The following SSR1 variants were observed in gnomAD, a reference collection of about 807,000 sequenced individuals.
SSR1 encodes translocon-associated protein subunit alpha.
In SSR1, 13 loss-of-function variants were observed where a neutral mutation model predicts 36.1. That is an observed-to-expected ratio of 0.36 (90% confidence interval 0.23 to 0.57). The LOEUF (loss-of-function observed/expected upper bound fraction) is 0.57, where lower values mean the gene tolerates loss of function less well. Among genes scored for constraint, SSR1 ranks in the 20% least tolerant of loss-of-function variants. The pLI, the probability that SSR1 is intolerant of heterozygous loss-of-function variation, is 0.81. For synonymous variants in SSR1, 113 were observed against 118.9 expected (o/e 0.95, Z 0.32); for missense variants, 291 against 338.5 (o/e 0.86, Z 1.10).
chr6:7,311,906 A>C (rs527857125), intron 1 of SSR1, among the ~76,000 whole-genome samples: 6 of 152,350 alleles, frequency 3.9e-5, no homozygotes, highest in African/African-American at 1.4e-4. Flanking sequence ...TTTTCTTTTA[A>C]AAAGCTTAAA....
At chr6:7,291,605 A>G (rs1466580900) in intron 7 of SSR1, among the ~76,000 whole-genome samples, 1 of 152,234 alleles carries the variant, frequency 6.6e-6, no homozygotes, top group Non-Finnish European at 1.5e-5. Flanking sequence ...TGATGAAGAA[A>G]GTCTACAACT....
chr6:7,289,568 T>G lies in SSR1; in HGVS notation c.*296A>C. 2.6e-6 allele frequency: 1 copy of G among 386,126 alleles called. No individual in the cohort carries two copies. The highest frequency in any genetic ancestry group is 4.6e-6 in the Non-Finnish European group (1 of 217,186). The allele number at this position is 386,126 out of a possible 1,614,324, so 23.9% of individuals were successfully genotyped here. ...GAGACAACAGCATTATATTTAGTAT[T>G]CTAAAGACTTGTTTCAGGTAGTTCA... On this transcript the variant is annotated 3_prime_UTR_variant, in exon 8 of 8. Coordinates refer to ENST00000244763, the MANE Select transcript of SSR1 (RefSeq NM_003144.5).
chr6:7,311,941 G>T lies in SSR1; in HGVS notation c.79+1101C>A, dbSNP rs368294198. Reference sequence around the variant, plus strand: ...AGAGTACCAGCAAACGACTCCTAAAGTAAAAAATCTTGTTAAACCTGCAGA... The same window carrying T: ...AGAGTACCAGCAAACGACTCCTAAATTAAAAAATCTTGTTAAACCTGCAGA... On this transcript the variant is annotated intron_variant, in intron 1 of 7. Coordinates refer to ENST00000244763, the MANE Select transcript of SSR1 (RefSeq NM_003144.5). Among the ~76,000 whole-genome samples, 5 of 152,114 alleles carry T rather than the reference G, an allele frequency of 3.3e-5. No homozygotes were observed. In the East Asian group the frequency reaches 5.8e-4, roughly 18 times the overall value.
chr6:7,306,730 C>A (rs955957820), intron 2 of SSR1, among the ~76,000 whole-genome samples: 1 of 151,556 alleles, frequency 6.6e-6, no homozygotes, highest in African/African-American at 2.4e-5. Context: ...TCCTGGCTAA[C>A]ATGGTGAAAC....
chr6:7,293,172 C>T (rs202137763), intron 7 of SSR1, among the ~76,000 whole-genome samples: 1 of 137,634 alleles, frequency 7.3e-6, no homozygotes, highest in African/African-American at 3.0e-5. Context: ...ACTGTGATTT[C>T]CTTTTTTTTT....
rs1581628158 is a variant in SSR1, at chr6:7,293,448, C to G, written c.793+1944G>C. ...TGATTTCCTTTCCTCCCCACCCCCA[C>G]CTTTTCTTTTGAGACAGAGTCTCAC... On this transcript the variant is annotated intron_variant, in intron 7 of 7. Transcript: ENST00000244763. 3.9e-5 allele frequency among the ~76,000 whole-genome samples: 6 copies of G among 152,012 alleles called. No homozygotes were observed. In the South Asian group the frequency reaches 1.0e-3, roughly 26 times the overall value.
At chr6:7,292,853 G>A (rs922813052) in intron 7 of SSR1, among the ~76,000 whole-genome samples, 4 of 151,974 alleles carry the variant, frequency 2.6e-5, no homozygotes, top group Non-Finnish European at 5.9e-5. Flanking sequence ...TTGTTACTTT[G>A]AACCCACCTT....
At chr6:7,310,543 G>GATAAGAAACTTCTAAATGT (rs1758166828) in intron 1 of SSR1, among the ~76,000 whole-genome samples, 1 of 152,124 alleles carries the variant, frequency 6.6e-6, no homozygotes, top group Non-Finnish European at 1.5e-5. Context: ...TTTTTGCAAA[G>GATAAGAAACTTCTAAATGT]ATAAGAAACT....
Position 7,286,418 on chromosome 6 carries a change from T to G in SSR1, c.*3446A>C, listed in dbSNP as rs1757555341. On this transcript the variant is annotated 3_prime_UTR_variant, in exon 8 of 8. Transcript: ENST00000244763. Reference sequence around the variant, plus strand: ...GTCAGCTGCAAGGTGTTCTTCCTCCTCAAATATCCTCTAAGGATGAGCTTA... The same window carrying G: ...GTCAGCTGCAAGGTGTTCTTCCTCCGCAAATATCCTCTAAGGATGAGCTTA... The G allele has an allele frequency of 6.6e-6, 1 of 152,230 alleles. No individual in the cohort carries two copies. Among genetic ancestry groups the G allele is most frequent in the Non-Finnish European group, 1.5e-5 (1 of 68,036 alleles). The allele number at this position is 152,230 out of a possible 1,614,324, so 9.4% of individuals were successfully genotyped here.
At chr6:7,291,490 C>A (rs1041019179) in intron 7 of SSR1, among the ~76,000 whole-genome samples, 5 of 152,106 alleles carry the variant, frequency 3.3e-5, no homozygotes, top group African/African-American at 4.8e-5. Flanking sequence ...GTGAAAAAAA[C>A]CCAGAAAACT....
At position 7,302,110 on chromosome 6, in the gene SSR1, A is replaced by T. The variant is rs192907468; in HGVS notation, c.281-538T>A. ...TGTAGCTACAAAAATGGAAGAAAAA[A>T]AGCATAATAAAATTATACTTCCTAC... On this transcript the variant is annotated intron_variant, in intron 3 of 7. Coordinates refer to ENST00000244763, the MANE Select transcript of SSR1 (RefSeq NM_003144.5). Among the ~76,000 whole-genome samples, 65 of 152,402 alleles carry T rather than the reference A, an allele frequency of 4.3e-4. 1 individual carries two copies. In the East Asian group the frequency reaches 0.012, roughly 28 times the overall value.
chr6:7,304,969 T>C (rs1561834310), intron 2 of SSR1, among the ~76,000 whole-genome samples: 1 of 152,214 alleles, frequency 6.6e-6, no homozygotes, highest in Non-Finnish European at 1.5e-5. Context: ...TGAAACTGTG[T>C]TGTAAGTTAT....
At chr6:7,295,803 T>C (rs1212001787) in intron 6 of SSR1, among the ~76,000 whole-genome samples, 1 of 152,226 alleles carries the variant, frequency 6.6e-6, no homozygotes, top group Non-Finnish European at 1.5e-5. Context: ...GAAAATCATG[T>C]CTAGTACTGA....
Position 7,301,579 on chromosome 6 carries a change from A to G in SSR1, c.281-7T>C. On this transcript the variant is annotated splice_polypyrimidine_tract_variant and splice_region_variant and intron_variant, in intron 3 of 7. Transcript: ENST00000244763. ...ATGTTATTTGCTGGAAAATCTGAGAAACAAAATAGAGACAAAAAAATTAGA... is the reference window on the plus strand; with the variant it reads ...ATGTTATTTGCTGGAAAATCTGAGAGACAAAATAGAGACAAAAAAATTAGA... 1 of 1,598,318 alleles carries G rather than the reference A, an allele frequency of 6.3e-7. No individual in the cohort carries two copies.
At chr6:7,304,630 T>A (rs1758011072) in intron 2 of SSR1, among the ~76,000 whole-genome samples, 1 of 152,252 alleles carries the variant, frequency 6.6e-6, no homozygotes, top group Non-Finnish European at 1.5e-5. Context: ...AGATGAATTT[T>A]ATGATACATA....
At position 7,313,139 on chromosome 6, in the gene SSR1, T is replaced by C. The variant is rs1470369378; in HGVS notation, c.-19A>G. ...GTCTCATGGCGCTGCCGGTCCAGTG[T>C]CCAGTTTCCGTCGGCTAAGGCTCTC... On this transcript the variant is annotated 5_prime_UTR_variant, in exon 1 of 8. Transcript: ENST00000244763. The C allele has an allele frequency of 2.5e-6, 4 of 1,594,704 alleles. No individual in the cohort carries two copies. Among genetic ancestry groups the C allele is most frequent in the Non-Finnish European group, 3.4e-6 (4 of 1,170,444 alleles).
At chr6:7,301,263 C>T in intron 4 of SSR1, 47 bp downstream of exon 4, 4 of 1,591,566 alleles carry the variant, frequency 2.5e-6, no homozygotes, top group Non-Finnish European at 3.4e-6. Context: ...CGTCACCGCC[C>T]CCATCCATCT....
chr6:7,295,506 ATT>A, intron 6 of SSR1, 21 bp from the exon 7 acceptor site: 1 of 1,525,030 alleles, frequency 6.6e-7, no homozygotes. Context: ...ATAAAGACAT[ATT>A]TTAAAGGAGT....
Position 7,295,443 on chromosome 6 carries a change from G to C in SSR1, c.742C>G (p.Gln248Glu). The C allele has an allele frequency of 6.2e-7, 1 of 1,611,620 alleles. No homozygotes were observed. Among genetic ancestry groups the C allele is most frequent in the African/African-American group, 1.3e-5 (1 of 74,834 alleles). Residue 248 changes from glutamine (Q) to glutamate (E), a missense_variant, in exon 7 of 8, where the codon CAG becomes GAG. Coordinates refer to ENST00000244763, the MANE Select transcript of SSR1 (RefSeq NM_003144.5). ...ATCCAACTCATGTCAACATCATTCT[G>C]ACTTGATGTACCCATTTCTACTTTC... ...IQKVEMGTSSQNDVDMSWIPQ... is the reference protein window; with the variant it reads ...IQKVEMGTSSENDVDMSWIPQ...
Sources: gnomAD v4.1 joint callset for allele counts (sites outside exome capture counted in the v4.1 genomes callset) on GRCh38, gnomAD v4.1.1 for gene constraint, MANE v1.5 for transcripts, NCBI Gene and HGNC (gene_info 2026-07-23, HGNC 2026-07-21) for gene names.